GM2A: variants seen among roughly 807,000 people sequenced by gnomAD.
The protein encoded by GM2A is ganglioside GM2 activator.
GM2A carries 7 observed loss-of-function variants against 12.9 expected under a neutral mutation model. The observed-to-expected ratio is 0.54, with a 90% CI of 0.31 to 1.02. The LOEUF (loss-of-function observed/expected upper bound fraction) is 1.02, where lower values mean the gene tolerates loss of function less well. GM2A is among the 50% of genes least tolerant of loss of function. The pLI is 0.05. For synonymous variants in GM2A, 101 were observed against 96.0 expected, an observed-to-expected ratio of 1.05 and a Z score of -0.30; for missense variants, 246 against 241.0, an observed-to-expected ratio of 1.02 and a Z score of -0.14.
rs772774529 is a variant in GM2A, at chr5:151,259,895, C to T, written c.222C>T (p.Val74=). ...VTLSVMGSTS[V]PLSSPLKVDL... ...TCAGTGTCATGGGCAGCACCAGTGT[C>T]CCCCTGAGTTCTCCTCTGAAGGTGA... Residue 74 remains valine, a synonymous_variant, in exon 2 of 4, where the codon GTC becomes GTT. Transcript: ENST00000357164. 1 of 1,613,606 alleles carries T rather than the reference C, an allele frequency of 6.2e-7. No individual in the cohort carries two copies. The highest frequency in any genetic ancestry group is 8.5e-7 in the Non-Finnish European group (1 of 1,179,650).
At chr5:151,264,969 G>A (rs1470938819) in intron 2 of GM2A, among the ~76,000 whole-genome samples, 6 of 150,936 alleles carry the variant, frequency 4.0e-5, no homozygotes, top group African/African-American at 1.5e-4. Context: ...GTGACAGAGT[G>A]AGACTCTGTC....
chr5:151,262,086 C>CT (rs1753808801), intron 2 of GM2A, among the ~76,000 whole-genome samples: 1 of 152,150 alleles, frequency 6.6e-6, no homozygotes, highest in South Asian at 2.1e-4. Flanking sequence ...GTTTATTTGC[C>CT]TTTTGTATTT....
chr5:151,253,769 G>T (rs1002752676), intron 1 of GM2A, among the ~76,000 whole-genome samples: 20 of 152,114 alleles, frequency 1.3e-4, no homozygotes, highest in Admixed American at 4.6e-4. Context: ...CCCATCTGGT[G>T]ACAAATACCC....
At chr5:151,264,452 G>T (rs985190965) in intron 2 of GM2A, among the ~76,000 whole-genome samples, 4 of 152,204 alleles carry the variant, frequency 2.6e-5, no homozygotes, top group African/African-American at 4.8e-5. Flanking sequence ...GCCCTGGCAG[G>T]ACTTGTCCCC....
chr5:151,260,043 A>C (rs1220948511), intron 2 of GM2A, 127 bp downstream of exon 2: 4 of 646,018 alleles, frequency 6.2e-6, no homozygotes, highest in African/African-American at 5.5e-5. Context: ...AGTACAGGAC[A>C]TGTAGATTCA....
intron 1 of GM2A, among the ~76,000 whole-genome samples, chr5:151,255,108 C>G (rs1307632406): frequency 6.6e-6 from 1 of 152,108 alleles, no homozygotes; most frequent in Non-Finnish European, 1.5e-5. Context: ...TCAAGACCAG[C>G]CTGGGCAACA....
chr5:151,266,202 A>C (rs1023149716), intron 2 of GM2A, among the ~76,000 whole-genome samples: 1 of 152,166 alleles, frequency 6.6e-6, no homozygotes, highest in African/African-American at 2.4e-5. Context: ...CTATGGACTG[A>C]GCATGATGGC....
In GM2A at chr5:151,268,527, A is replaced by C; in HGVS notation, c.*1076A>C. On this transcript the variant is annotated 3_prime_UTR_variant, in exon 4 of 4. Transcript: ENST00000357164. ...ACAGAAAGTCACAGCACATGTGCCC[A>C]TTGATACAAGGCTGCTGAGGCCTGG... is the stretch of plus-strand genomic sequence containing the variant. 2.0e-6 allele frequency: 2 copies of C among 985,450 alleles called. No homozygotes were observed. Among genetic ancestry groups the C allele is most frequent in the Non-Finnish European group, 2.4e-6 (2 of 829,956 alleles). The allele number at this position is 985,450 out of a possible 1,614,324, so 61.0% of individuals were successfully genotyped here.
intron 2 of GM2A, among the ~76,000 whole-genome samples, chr5:151,262,798 C>T (rs908738883): frequency 6.6e-5 from 10 of 152,140 alleles, no homozygotes; most frequent in Non-Finnish European, 1.0e-4. Flanking sequence ...GTAGGCCGTC[C>T]GCCATGCTCC....
chr5:151,259,976 G>T, intron 2 of GM2A, 60 bp downstream of exon 2: 1 of 1,294,334 alleles, frequency 7.7e-7, no homozygotes, highest in East Asian at 2.3e-5. Context: ...AGGGGTACTG[G>T]GGCATGTATG....
intron 1 of GM2A, among the ~76,000 whole-genome samples, chr5:151,256,621 A>AG (rs1336299432): frequency 6.6e-4 from 100 of 151,720 alleles, no homozygotes; most frequent in African/African-American, 2.3e-3. Context: ...AAAAAAAAAA[A>AG]AAAGAAAAGT....
rs530626896 is a variant in GM2A at position 151,268,925 on chromosome 5, G to A, written c.*1474G>A. On this transcript the variant is annotated 3_prime_UTR_variant, in exon 4 of 4. Coordinates refer to ENST00000357164, the MANE Select transcript of GM2A (RefSeq NM_000405.5). ...CTCCCTCCACAGGGCCAAAGCCATA[G>A]TGTCCGGTCCCAAGGACAAGGCTCT... 7.1e-6 allele frequency: 7 copies of A among 985,452 alleles called. No homozygotes were observed. In the African/African-American group the frequency reaches 1.0e-4, roughly 15 times the overall value. The allele number at this position is 985,452 out of a possible 1,614,324, so 61.0% of individuals were successfully genotyped here.
Position 151,269,124 on chromosome 5 carries a change from A to G in GM2A, c.*1673A>G, listed in dbSNP as rs920253935. 110 of 985,346 alleles carry G rather than the reference A, an allele frequency of 1.1e-4. No homozygotes were observed. The highest frequency in any genetic ancestry group is 1.3e-4 in the Non-Finnish European group (105 of 829,962). The allele number at this position is 985,346 out of a possible 1,614,324, so 61.0% of individuals were successfully genotyped here. On this transcript the variant is annotated 3_prime_UTR_variant, in exon 4 of 4. Transcript: ENST00000357164. ...GAAGAGAGGGTGGCCTCGACATCAA[A>G]CTGCCTGGATTTTTCTACCACCCTG...
chr5:151,269,180 C>T lies in GM2A; in HGVS notation c.*1729C>T. The T allele has an allele frequency of 2.0e-6, 2 of 985,396 alleles. No individual in the cohort carries two copies. The highest frequency in any genetic ancestry group is 2.4e-6 in the Non-Finnish European group (2 of 829,888). 61.0% of individuals were successfully genotyped at this position (985,396 alleles called of 1,614,324 possible). On this transcript the variant is annotated 3_prime_UTR_variant, in exon 4 of 4. Transcript: ENST00000357164. Reference sequence around the variant, plus strand: ...TCATAACAACTTCTGAAACACACACCAGCCCTGAGTTCTGGGCTCATTTGA... The same window carrying T: ...TCATAACAACTTCTGAAACACACACTAGCCCTGAGTTCTGGGCTCATTTGA...
chr5:151,253,220 C>T lies in GM2A; in HGVS notation c.4C>T (p.Gln2Ter), dbSNP rs775585062. The change falls in exon 1 of 4, where the codon CAG becomes TAG. Residue 2 changes from glutamine (Q) to a stop codon, truncating the protein, a stop_gained. Transcript: ENST00000357164. LOFTEE classifies it high-confidence loss of function. ...CCGCCCTGACCCACCCTTCCCGATGCAGTCCCTGATGCAGGCTCCCCTCCT... is the reference window on the plus strand; with the variant it reads ...CCGCCCTGACCCACCCTTCCCGATGTAGTCCCTGATGCAGGCTCCCCTCCT... The part of the protein sequence containing the change: M[Q>*]SLMQAPLLIA... 6 of 1,613,176 alleles carry T rather than the reference C, an allele frequency of 3.7e-6. No homozygotes were observed. Among genetic ancestry groups the T allele is most frequent in the African/African-American group, 1.3e-5 (1 of 74,910 alleles).
Position 151,267,799 on chromosome 5 carries a change from C to T in GM2A, c.*348C>T. 1 of 1,196,100 alleles carries T rather than the reference C, an allele frequency of 8.4e-7. No individual in the cohort carries two copies. Among genetic ancestry groups the T allele is most frequent in the Non-Finnish European group, 1.1e-6 (1 of 949,344 alleles). The allele number at this position is 1,196,100 out of a possible 1,614,324, so 74.1% of individuals were successfully genotyped here. A position where few individuals can be genotyped will look rare whatever the true frequency, so the allele number is the denominator to read the frequency against. ...TTTAGGACCTGAAGAATCTTTATGA[C>T]TCTCTCTCTTTCACTCTTTTTTTTT... is the stretch of plus-strand genomic sequence containing the variant. On this transcript the variant is annotated 3_prime_UTR_variant, in exon 4 of 4. Transcript: ENST00000357164.
chr5:151,260,889 A>T (rs1442201201), intron 2 of GM2A, among the ~76,000 whole-genome samples: 2 of 152,186 alleles, frequency 1.3e-5, no homozygotes, highest in Non-Finnish European at 2.9e-5. Context: ...ATACACACTT[A>T]TACTCATGGG....
In GM2A at chr5:151,261,723, G is replaced by A. The variant is rs576442312; in HGVS notation, c.243+1807G>A. Among the ~76,000 whole-genome samples, 25 of 152,248 alleles carry A rather than the reference G, an allele frequency of 1.6e-4. No homozygotes were observed. The East Asian group carries it at 4.0e-3, about 25-fold the overall frequency. On this transcript the variant is annotated intron_variant, in intron 2 of 3. Transcript: ENST00000357164. ...CAAAGTGCTGGGATTACAGACACCTGCCACCATGCCCAGCTACTTTTTGTA... is the reference window on the plus strand; with the variant it reads ...CAAAGTGCTGGGATTACAGACACCTACCACCATGCCCAGCTACTTTTTGTA...
chr5:151,259,656 A>G, intron 1 of GM2A, 99 bp from the exon 2 acceptor site: 1 of 1,122,764 alleles, frequency 8.9e-7, no homozygotes, highest in Non-Finnish European at 1.3e-6. Context: ...GCCTCACCCA[A>G]GGTCACTCTG....
Sources: gnomAD v4.1 joint callset for allele counts (sites outside exome capture counted in the v4.1 genomes callset) on GRCh38, gnomAD v4.1.1 for gene constraint, MANE v1.5 for transcripts, NCBI Gene and HGNC (gene_info 2026-07-23, HGNC 2026-07-21) for gene names.